SLC25A21: variants seen among roughly 807,000 people sequenced by gnomAD.
SLC25A21 encodes solute carrier family 25 member 21.
A neutral mutation model predicts 43.8 loss-of-function variants in SLC25A21; 47 were observed. The observed-to-expected ratio is 1.07, with a 90% CI of 0.85 to 1.37. SLC25A21 has a LOEUF of 1.37. Among genes scored for constraint, SLC25A21 ranks in the 40% most tolerant of loss-of-function variants. The pLI is 0.00. For synonymous variants in SLC25A21, 131 were observed against 121.3 expected, an observed-to-expected ratio of 1.08 and a Z score of -0.52; for missense variants, 352 against 350.2, an observed-to-expected ratio of 1.00 and a Z score of -0.04.
In SLC25A21 at chr14:36,678,900, C is replaced by T; in HGVS notation, c.*1758G>A. ...CAAAGAAAATTATGATTTAAAGCCACTTTTTAAAATACGAGAAGGAAAATA... is the reference window on the plus strand; with the variant it reads ...CAAAGAAAATTATGATTTAAAGCCATTTTTTAAAATACGAGAAGGAAAATA... On this transcript the variant is annotated 3_prime_UTR_variant, in exon 10 of 10. Transcript: ENST00000331299. 1 of 977,510 alleles carries T rather than the reference C, an allele frequency of 1.0e-6. No homozygotes were observed. The allele number at this position is 977,510 out of a possible 1,614,324, so 60.6% of individuals were successfully genotyped here.
chr14:36,922,906 T>C (rs748926076), intron 1 of SLC25A21, among the ~76,000 whole-genome samples: 1 of 151,964 alleles, frequency 6.6e-6, no homozygotes, highest in Admixed American at 6.6e-5. Context: ...ATCCAGACCC[T>C]CAACAAGTAA....
chr14:36,770,045 C>G lies in SLC25A21; in HGVS notation c.204-35472G>C, dbSNP rs768772355. On this transcript the variant is annotated intron_variant, in intron 3 of 9. Transcript: ENST00000331299. The stretch of plus-strand genomic sequence containing the variant: ...TCCATCCTTCCCCAGTCAATGGGCT[C>G]TAGTCTAGACCAAGCTTGGAACATA... Among the ~76,000 whole-genome samples the G allele has an allele frequency of 2.6e-5, 4 of 152,256 alleles. No individual in the cohort carries two copies. In the East Asian group the frequency reaches 5.8e-4, roughly 22 times the overall value.
intron 2 of SLC25A21, among the ~76,000 whole-genome samples, chr14:36,844,354 T>A (rs752794365): frequency 2.0e-5 from 3 of 152,160 alleles, no homozygotes; most frequent in Admixed American, 6.5e-5. Context: ...TGGCACAGAC[T>A]CACTGCTGTT....
At chr14:36,967,484 C>T (rs1348559295) in intron 1 of SLC25A21, among the ~76,000 whole-genome samples, 3 of 152,144 alleles carry the variant, frequency 2.0e-5, no homozygotes, top group Admixed American at 2.0e-4. Context: ...CCTGAAAATG[C>T]TGAGTTTTTG....
chr14:36,794,657 T>C (rs1887613692), intron 3 of SLC25A21, among the ~76,000 whole-genome samples: 1 of 151,764 alleles, frequency 6.6e-6, no homozygotes, highest in Admixed American at 6.6e-5. Context: ...TAATACCAGC[T>C]ACTTGGGAGA....
intron 1 of SLC25A21, among the ~76,000 whole-genome samples, chr14:37,115,308 G>T (rs1963088013): frequency 6.6e-6 from 1 of 152,112 alleles, no homozygotes; most frequent in Non-Finnish European, 1.5e-5. Flanking sequence ...ACAGGACAGG[G>T]CCCTGTCAGT....
intron 1 of SLC25A21, among the ~76,000 whole-genome samples, chr14:36,982,269 T>G (rs897877633): frequency 6.6e-6 from 1 of 152,234 alleles, no homozygotes; most frequent in Non-Finnish European, 1.5e-5. Flanking sequence ...TCACAGAAAG[T>G]GTGACTCATT....
chr14:37,001,808 A>G (rs1023625674), intron 1 of SLC25A21, among the ~76,000 whole-genome samples: 3 of 152,130 alleles, frequency 2.0e-5, no homozygotes, highest in African/African-American at 7.2e-5. Context: ...ATGGAAAATC[A>G]TTTTACTCAA....
At chr14:36,766,032 T>TC (rs982008135) in intron 3 of SLC25A21, among the ~76,000 whole-genome samples, 17 of 51,286 alleles carry the variant, frequency 3.3e-4, no homozygotes, top group Middle Eastern at 9.4e-3. Context: ...CATTCCCTTC[T>TC]TTTTTTTTTG....
chr14:36,819,594 T>G (rs1237413583), intron 2 of SLC25A21, among the ~76,000 whole-genome samples: 1 of 152,196 alleles, frequency 6.6e-6, no homozygotes, highest in African/African-American at 2.4e-5. Context: ...CTTAAAAGTC[T>G]CAAGACAAGG....
intron 1 of SLC25A21, among the ~76,000 whole-genome samples, chr14:37,149,001 C>A (rs1963713839): frequency 6.6e-6 from 1 of 152,152 alleles, no homozygotes; most frequent in Non-Finnish European, 1.5e-5. Context: ...ACCTCCAGGG[C>A]TCAAGCAATT....
chr14:36,761,112 G>A (rs1886139848), intron 3 of SLC25A21, among the ~76,000 whole-genome samples: 1 of 152,148 alleles, frequency 6.6e-6, no homozygotes, highest in Admixed American at 6.6e-5. Flanking sequence ...CCTCTAAGGA[G>A]CTCAGCTCCT....
At chr14:36,833,801 C>T (rs560805770) in intron 2 of SLC25A21, among the ~76,000 whole-genome samples, 4 of 152,306 alleles carry the variant, frequency 2.6e-5, no homozygotes, top group East Asian at 1.9e-4. Flanking sequence ...AGGATATATG[C>T]GGGTACAGCT....
intron 1 of SLC25A21, among the ~76,000 whole-genome samples, chr14:36,994,005 A>C (rs1258572179): frequency 6.6e-6 from 1 of 152,192 alleles, no homozygotes; most frequent in Non-Finnish European, 1.5e-5. Context: ...CATATACACA[A>C]AATGATGAAT....
At chr14:37,027,436 A>T (rs1961116881) in intron 1 of SLC25A21, among the ~76,000 whole-genome samples, 1 of 152,180 alleles carries the variant, frequency 6.6e-6, no homozygotes, top group Non-Finnish European at 1.5e-5. Context: ...TATTCTTATA[A>T]TCAGAATACT....
intron 6 of SLC25A21, 43 bp downstream of exon 6, chr14:36,725,524 TAAA>T: frequency 2.0e-4 from 157 of 773,092 alleles, no homozygotes; most frequent in Non-Finnish European, 2.6e-4. Flanking sequence ...AATAAATAAA[TAAA>T]TTTTTACATG....
chr14:37,043,146 T>C (rs529184760), intron 1 of SLC25A21, among the ~76,000 whole-genome samples: 1 of 152,316 alleles, frequency 6.6e-6, no homozygotes, highest in South Asian at 2.1e-4. Flanking sequence ...TTAATGTTGC[T>C]TAAATACATC....
intron 2 of SLC25A21, among the ~76,000 whole-genome samples, chr14:36,836,703 C>A (rs918717491): frequency 3.9e-5 from 6 of 152,030 alleles, no homozygotes; most frequent in Non-Finnish European, 8.8e-5. Context: ...GAGCAGGTGG[C>A]AGAGAAAATG....
chr14:36,936,888 T>C (rs755622647), intron 1 of SLC25A21, among the ~76,000 whole-genome samples: 2 of 152,168 alleles, frequency 1.3e-5, no homozygotes, highest in Non-Finnish European at 2.9e-5. Context: ...TGCACAATGC[T>C]GTCCCTTCAC....
Sources: gnomAD v4.1 joint callset for allele counts (sites outside exome capture counted in the v4.1 genomes callset) on GRCh38, gnomAD v4.1.1 for gene constraint, MANE v1.5 for transcripts, NCBI Gene and HGNC (gene_info 2026-07-23, HGNC 2026-07-21) for gene names.